WDR20: variants seen among roughly 807,000 people sequenced by gnomAD.
WDR20 encodes WD repeat domain 20, also known as WD repeat-containing protein 20.
WDR20 carries 3 observed loss-of-function variants against 38.7 expected under a neutral mutation model. The ratio of observed to expected loss-of-function variants is 0.08; its 90% CI spans 0.04 to 0.20. The LOEUF (loss-of-function observed/expected upper bound fraction) is 0.20, where lower values mean the gene tolerates loss of function less well. WDR20 is among the 10% of genes least tolerant of loss of function. The probability of loss-of-function intolerance (pLI) is 1.00; values close to 1 mark genes in which losing one functional copy is unlikely to be tolerated. For synonymous variants in WDR20, 298 were observed against 285.6 expected (o/e 1.04, Z -0.44); for missense variants, 559 against 727.7 (o/e 0.77, Z 2.67).
chr14:102,148,733 C>A (rs938057287), intron 1 of WDR20, among the ~76,000 whole-genome samples: 26 of 150,896 alleles, frequency 1.7e-4, no homozygotes, highest in African/African-American at 6.4e-4. Flanking sequence ...CACTGTGTCA[C>A]CTAGGCTGGA....
At chr14:102,201,697 A>G (rs747497776) in intron 2 of WDR20, among the ~76,000 whole-genome samples, 3 of 152,232 alleles carry the variant, frequency 2.0e-5, no homozygotes, top group Non-Finnish European at 2.9e-5. Context: ...CTTGACGTAC[A>G]TAGAAATGTG....
At chr14:102,140,589 CG>C (rs1199180616) in intron 1 of WDR20, among the ~76,000 whole-genome samples, 1 of 152,098 alleles carries the variant, frequency 6.6e-6, no homozygotes, top group Admixed American at 6.6e-5. Flanking sequence ...AGAACAGGGA[CG>C]CAAGACGGCT....
chr14:102,167,095 A>G lies in WDR20; in HGVS notation c.249+26923A>G, dbSNP rs78425610. 4.6e-3 allele frequency among the ~76,000 whole-genome samples: 694 copies of G among 152,322 alleles called. 6 individuals carry two copies. The highest frequency in any genetic ancestry group is 0.015 in the African/African-American group (643 of 41,568). On this transcript the variant is annotated intron_variant, in intron 1 of 2. Transcript: ENST00000342702. ...TAACACAGCGTACAAGCCCTGCATG[A>G]AACTACCCCTTGCCTACCTTATCAG...
At chr14:102,189,337 A>C (rs1287494736) in intron 1 of WDR20, among the ~76,000 whole-genome samples, 1 of 152,236 alleles carries the variant, frequency 6.6e-6, no homozygotes, top group Non-Finnish European at 1.5e-5. Flanking sequence ...TTTTAAAACT[A>C]TCACTTAAAA....
chr14:102,150,918 G>A (rs988848418), intron 1 of WDR20, among the ~76,000 whole-genome samples: 3 of 152,128 alleles, frequency 2.0e-5, no homozygotes, highest in Admixed American at 6.6e-5. Flanking sequence ...ATAATCAAGG[G>A]CTTATTCATT....
chr14:102,148,599 ACAAGG>A (rs1455892297), intron 1 of WDR20, among the ~76,000 whole-genome samples: 1 of 151,914 alleles, frequency 6.6e-6, no homozygotes, highest in Non-Finnish European at 1.5e-5. Flanking sequence ...ACTGGTATAT[ACAAGG>A]CACTGCTGTC....
chr14:102,177,082 A>G (rs917746062), intron 1 of WDR20, among the ~76,000 whole-genome samples: 1 of 152,172 alleles, frequency 6.6e-6, no homozygotes, highest in Non-Finnish European at 1.5e-5. Context: ...GTAATGGTTC[A>G]CTTTACTGAT....
At chr14:102,212,727 T>G (rs957901167), downstream of WDR20, 1 of 1,454,878 alleles carries the variant, frequency 6.9e-7, no homozygotes, top group Non-Finnish European at 9.1e-7. Flanking sequence ...ATATCAGGTG[T>G]GTAAGGTGCA....
At chr14:102,215,504 G>A (rs528846777), downstream of WDR20, among the ~76,000 whole-genome samples, 1 of 152,230 alleles carries the variant, frequency 6.6e-6, no homozygotes, top group Non-Finnish European at 1.5e-5. Context: ...TGCTGAACGT[G>A]CAGGTTTGTT....
intron 1 of WDR20, among the ~76,000 whole-genome samples, chr14:102,189,466 A>C (rs902755191): frequency 6.6e-5 from 10 of 152,198 alleles, no homozygotes; most frequent in Admixed American, 2.0e-4. Flanking sequence ...CCATAGAAAA[A>C]ATTAAGAAAC....
intron 1 of WDR20, among the ~76,000 whole-genome samples, chr14:102,165,864 T>A (rs1239605931): frequency 6.6e-6 from 1 of 152,114 alleles, no homozygotes; most frequent in African/African-American, 2.4e-5. Context: ...GGTCTCCAAC[T>A]CCTGGGCTCA....
chr14:102,173,471 TTATTATTA>T (rs1566913549), intron 1 of WDR20, among the ~76,000 whole-genome samples: 3 of 136,484 alleles, frequency 2.2e-5, no homozygotes, highest in South Asian at 2.2e-4. Flanking sequence ...ATTATTATTA[TTATTATTA>T]TTTTTATCAA....
In WDR20 at chr14:102,208,538, T is replaced by C; in HGVS notation, c.433-65T>C. 1 of 1,520,182 alleles carries C rather than the reference T, an allele frequency of 6.6e-7. No homozygotes were observed. The highest frequency in any genetic ancestry group is 8.8e-7 in the Non-Finnish European group (1 of 1,135,796). The allele number at this position is 1,520,182 out of a possible 1,614,324, so 94.2% of individuals were successfully genotyped here. The stretch of plus-strand genomic sequence containing the variant: ...CCCATCGAGAAGCACACAAGTTTTC[T>C]TGCTGGAAAAGTAGACCTTTGAGAC... On this transcript the variant is annotated intron_variant, in intron 2 of 2. Coordinates refer to ENST00000342702, the MANE Select transcript of WDR20 (RefSeq NM_144574.4). The surrounding 1 kb of genome is among the most constrained non-coding windows in gnomAD (Gnocchi z 5.6).
At position 102,220,216 on chromosome 14, in the gene WDR20, G is replaced by A. The variant is rs895496193; in HGVS notation, c.1693-2614G>A. Among the ~76,000 whole-genome samples the A allele has an allele frequency of 6.6e-6, 1 of 152,130 alleles. No individual in the cohort carries two copies. The highest frequency in any genetic ancestry group is 1.5e-5 in the Non-Finnish European group (1 of 68,014). ...ATGGAAAGCAGCCGAGTCCTCTGGGGCCTCACACTCAGTGAGAGGAAGTCT... is the reference window on the plus strand; with the variant it reads ...ATGGAAAGCAGCCGAGTCCTCTGGGACCTCACACTCAGTGAGAGGAAGTCT... On this transcript the variant is annotated intron_variant, in intron 3 of 3. Coordinates refer to the WDR20 transcript ENST00000335263. This position sits in a 1 kb window ranked among gnomAD's most constrained non-coding sequence, Gnocchi z 4.2.
At chr14:102,168,466 C>T (rs2060188156) in intron 1 of WDR20, among the ~76,000 whole-genome samples, 1 of 151,890 alleles carries the variant, frequency 6.6e-6, no homozygotes, top group African/African-American at 2.4e-5. Flanking sequence ...ATTTAGGTCC[C>T]TAGTACCGAG....
At chr14:102,191,910 A>G (rs1468692074) in intron 1 of WDR20, among the ~76,000 whole-genome samples, 1 of 152,234 alleles carries the variant, frequency 6.6e-6, no homozygotes, top group African/African-American at 2.4e-5. Flanking sequence ...CTTTTGTAAA[A>G]TAAAAAGAAT....
chr14:102,147,386 C>CA (rs1483396482), intron 1 of WDR20, among the ~76,000 whole-genome samples: 2 of 152,148 alleles, frequency 1.3e-5, no homozygotes, highest in East Asian at 1.9e-4. Flanking sequence ...GAGACCTTCC[C>CA]AAAAAAGGAG....
At chr14:102,148,742 G>A (rs1417262896) in intron 1 of WDR20, among the ~76,000 whole-genome samples, 1 of 151,216 alleles carries the variant, frequency 6.6e-6, no homozygotes, top group East Asian at 1.9e-4. Context: ...ACCTAGGCTG[G>A]AGGGCAGTGG....
rs539273277 is a variant in WDR20, at chr14:102,192,103, C to G, written c.250-2835C>G. 1.2e-3 allele frequency among the ~76,000 whole-genome samples: 179 copies of G among 152,148 alleles called. 1 individual carries two copies. The highest frequency in any genetic ancestry group is 6.2e-4 in the South Asian group (3 of 4,824). On this transcript the variant is annotated intron_variant, in intron 1 of 2. Coordinates refer to ENST00000342702, the MANE Select transcript of WDR20 (RefSeq NM_144574.4). ...AAACTAGTCCTGGACTGGTACACTT[C>G]AAGAGCAGTGACCTAAGAAGAAAGT...
Sources: allele counts gnomAD v4.1 joint callset (sites outside exome capture counted in the v4.1 genomes callset), GRCh38; gene constraint gnomAD v4.1.1; non-coding constraint Gnocchi (gnomAD v3.1); transcripts MANE v1.5; gene names NCBI Gene and HGNC (gene_info 2026-07-23, HGNC 2026-07-21).